Variants in RGMA observed in about 807,000 individuals in gnomAD.
RGMA encodes the protein repulsive guidance molecule A.
A neutral mutation model predicts 23.2 loss-of-function variants in RGMA; 10 were observed. The ratio of observed to expected loss-of-function variants is 0.43; its 90% CI spans 0.27 to 0.73. The LOEUF (loss-of-function observed/expected upper bound fraction) is 0.73. Among genes scored for constraint, RGMA ranks in the 30% least tolerant of loss-of-function variants. The pLI, the probability that RGMA is intolerant of heterozygous loss-of-function variation, is 0.20. For synonymous variants in RGMA, 308 were observed against 279.3 expected (o/e 1.10, Z -1.03); for missense variants, 547 against 630.5 (o/e 0.87, Z 1.42).
At chr15:93,081,235 C>T (rs961602535) in intron 1 of RGMA, among the ~76,000 whole-genome samples, 8 of 152,138 alleles carry the variant, frequency 5.3e-5, no homozygotes, top group Non-Finnish European at 1.0e-4. Flanking sequence ...TTCCAGGGAT[C>T]CGGTGAATAG....
At chr15:93,088,650 G>A in intron 1 of RGMA, 8 of 1,017,802 alleles carry the variant, frequency 7.9e-6, no homozygotes, top group Non-Finnish European at 7.8e-6. Flanking sequence ...TGTAAGGGAC[G>A]TGTGCCGGGT....
chr15:93,080,695 G>C (rs1275149192), intron 1 of RGMA, among the ~76,000 whole-genome samples: 1 of 152,166 alleles, frequency 6.6e-6, no homozygotes, highest in Non-Finnish European at 1.5e-5. Flanking sequence ...CTTCCTGCTG[G>C]TTGGCCAGCA....
Position 93,045,710 on chromosome 15 carries a change from C to T in RGMA, c.646-5G>A. On this transcript the variant is annotated splice_region_variant and splice_polypyrimidine_tract_variant and intron_variant, in intron 3 of 3. Transcript: ENST00000329082. The surrounding 1 kb of genome is among the most constrained non-coding windows in gnomAD (Gnocchi z 6.9). ...GTTCTTGAAGATGATGGTGAGCTGC[C>T]GGGGAAAGGGGCAGAGGAGAGTGGG... 2.5e-6 allele frequency: 4 copies of T among 1,598,080 alleles called. No homozygotes were observed. Among genetic ancestry groups the T allele is most frequent in the Non-Finnish European group, 2.5e-6 (3 of 1,177,350 alleles).
In RGMA at chr15:93,045,718, G is replaced by C. The variant is rs1156992125; in HGVS notation, c.646-13C>G. 4.4e-6 allele frequency: 7 copies of C among 1,591,084 alleles called. No homozygotes were observed. Among genetic ancestry groups the C allele is most frequent in the Non-Finnish European group, 3.4e-6 (4 of 1,171,654 alleles). On this transcript the variant is annotated splice_polypyrimidine_tract_variant and intron_variant, in intron 3 of 3. Coordinates refer to ENST00000329082, the MANE Select transcript of RGMA (RefSeq NM_020211.3). This position sits in a 1 kb window ranked among gnomAD's most constrained non-coding sequence, Gnocchi z 6.9. ...AGATGATGGTGAGCTGCCGGGGAAA[G>C]GGGCAGAGGAGAGTGGGTGAGGCAC...
intron 2 of RGMA, among the ~76,000 whole-genome samples, chr15:93,056,731 AAGTCCCACTCTGTCCCCT>A (rs1419017512): frequency 3.2e-4 from 49 of 152,170 alleles, no homozygotes; most frequent in Non-Finnish European, 6.9e-4. Flanking sequence ...GTCTGGTTCA[AAGTCCCACTCTGTCCCCT>A]ACCAGTAGTT....
chr15:93,068,588 C>G (rs1895228347), intron 2 of RGMA, among the ~76,000 whole-genome samples: 1 of 152,242 alleles, frequency 6.6e-6, no homozygotes, highest in Admixed American at 6.5e-5. Flanking sequence ...CCTCAATACA[C>G]CCTCAGGGCC....
At position 93,044,621 on chromosome 15, in the gene RGMA, C is replaced by G; in HGVS notation, c.*377G>C. The G allele has an allele frequency of 3.5e-6, 1 of 284,926 alleles. No homozygotes were observed. Among genetic ancestry groups the G allele is most frequent in the Non-Finnish European group, 6.7e-6 (1 of 150,134 alleles). The allele number at this position is 284,926 out of a possible 1,614,324, so 17.6% of individuals were successfully genotyped here. On this transcript the variant is annotated 3_prime_UTR_variant, in exon 4 of 4. Transcript: ENST00000329082. ...GGGGGCCCCACGGATCGGCGAGCAG[C>G]AGTCGGCCGGGCCTTTCAGTGCATT...
At chr15:93,069,564 G>A (rs774762715) in intron 2 of RGMA, among the ~76,000 whole-genome samples, 74 of 152,294 alleles carry the variant, frequency 4.9e-4, no homozygotes, top group Non-Finnish European at 7.2e-4. Context: ...AAGTATAAGG[G>A]GAAGAAAGAA....
chr15:93,073,171 G>A (rs138631420), intron 1 of RGMA, 140 bp from the exon 2 acceptor site: 49,641 of 1,190,890 alleles, frequency 0.042, 1,115 homozygotes, highest in Middle Eastern at 0.052. Context: ...CCCTTCCCGC[G>A]CCGCCCCCCG....
intron 1 of RGMA, among the ~76,000 whole-genome samples, chr15:93,087,218 C>A (rs1167129936): frequency 6.6e-6 from 1 of 152,166 alleles, no homozygotes; most frequent in Non-Finnish European, 1.5e-5. Flanking sequence ...CCAGGGTGCC[C>A]TTCAGAACCG....
intron 3 of RGMA, 64 bp downstream of exon 3, chr15:93,051,929 A>G: frequency 2.0e-6 from 3 of 1,476,846 alleles, no homozygotes; most frequent in South Asian, 1.2e-5. Context: ...TCAGCCTCTC[A>G]GTGTCCACGC....
Position 93,072,922 on chromosome 15 carries a change from G to T in RGMA, c.124C>A (p.Pro42Thr). 6.2e-7 allele frequency: 1 copy of T among 1,604,210 alleles called. No individual in the cohort carries two copies. Among genetic ancestry groups the T allele is most frequent in the Non-Finnish European group, 8.5e-7 (1 of 1,175,982 alleles). ...CCGGCCGGCAGTGCCTTACCTGCGG[G>T]GAAGCTGCAGAGAAGGAAGGCGAGG... ...PTLAFLLCSFPAATSPCKILK... is the reference protein window; with the variant it reads ...PTLAFLLCSFTAATSPCKILK... Residue 42 changes from proline (P) to threonine (T), a missense_variant, in exon 2 of 4, where the codon CCC becomes ACC. This residue lies in a region of RGMA where 214 missense variants were observed against 234.7 expected (regional missense o/e 0.91). Transcript: ENST00000329082.
chr15:93,074,908 G>A (rs1266199499), intron 1 of RGMA, among the ~76,000 whole-genome samples: 1 of 152,130 alleles, frequency 6.6e-6, no homozygotes, highest in African/African-American at 2.4e-5. Flanking sequence ...AGAGTCTCTC[G>A]CCAATGAGAA....
rs767369273 is a variant in RGMA, at chr15:93,052,261, A to G, written c.377T>C (p.Leu126Pro). 1.2e-6 allele frequency: 2 copies of G among 1,604,224 alleles called. No homozygotes were observed. The highest frequency in any genetic ancestry group is 2.2e-5 in the South Asian group (2 of 90,944). ...GTCTCCGGCCGGTGGGAGCGTGCGC[A>G]GGCGTGGCTGCGAGGTGGGGCCATC... ...SKDGPTSQPR[L>P]RTLPPAGDSQ... is the part of the protein sequence containing the mutation. The change falls in exon 3 of 4, where the codon CTG (leucine) becomes CCG (proline). Residue 126 changes from leucine (L) to proline (P), a missense_variant. This residue lies in a region of RGMA where 214 missense variants were observed against 234.7 expected (regional missense o/e 0.91). Coordinates refer to ENST00000329082, the MANE Select transcript of RGMA (RefSeq NM_020211.3).
At chr15:93,057,424 CT>C (rs756520671) in intron 2 of RGMA, among the ~76,000 whole-genome samples, 4 of 152,142 alleles carry the variant, frequency 2.6e-5, no homozygotes, top group Admixed American at 6.5e-5. Context: ...TCCCTGCCCC[CT>C]CTCCCTCCTT....
At chr15:93,054,713 G>A (rs148633763) in intron 2 of RGMA, among the ~76,000 whole-genome samples, 7 of 152,306 alleles carry the variant, frequency 4.6e-5, no homozygotes, top group East Asian at 3.9e-4. Context: ...ATACACCACC[G>A]TAAAGGGATG....
At chr15:93,048,502 G>A (rs1270497323) in intron 3 of RGMA, among the ~76,000 whole-genome samples, 1 of 152,098 alleles carries the variant, frequency 6.6e-6, no homozygotes, top group Non-Finnish European at 1.5e-5. Flanking sequence ...GACCCCAAGC[G>A]CACAGTTCCT....
rs114076404 is a variant in RGMA, at chr15:93,039,404, T to C, written c.*5594A>G. On this transcript the variant is annotated 3_prime_UTR_variant, in exon 4 of 4. Coordinates refer to ENST00000329082, the MANE Select transcript of RGMA (RefSeq NM_020211.3). Reference sequence around the variant, plus strand: ...GCCATCATTTCTTTTCTTAAAATTATGATTATACTTTCAGTTATGGGGTAC... The same window carrying C: ...GCCATCATTTCTTTTCTTAAAATTACGATTATACTTTCAGTTATGGGGTAC... 1.3e-5 allele frequency: 2 copies of C among 152,232 alleles called. No homozygotes were observed. Among genetic ancestry groups the C allele is most frequent in the African/African-American group, 4.8e-5 (2 of 41,440 alleles). The allele number at this position is 152,232 out of a possible 1,614,324, so 9.4% of individuals were successfully genotyped here.
At position 93,044,156 on chromosome 15, in the gene RGMA, C is replaced by T. The variant is rs549718837; in HGVS notation, c.*842G>A. 1 of 152,460 alleles carries T rather than the reference C, an allele frequency of 6.6e-6. No individual in the cohort carries two copies. The highest frequency in any genetic ancestry group is 2.4e-5 in the African/African-American group (1 of 41,584). 9.4% of individuals were successfully genotyped at this position (152,460 alleles called of 1,614,324 possible). A position where few individuals can be genotyped will look rare whatever the true frequency, so the allele number is the denominator to read the frequency against. ...TGGCCCCATCCACTGGGTCTCCTGC[C>T]ACACCCTGGGGCCCAGGCACCCCTG... On this transcript the variant is annotated 3_prime_UTR_variant, in exon 4 of 4. Coordinates refer to ENST00000329082, the MANE Select transcript of RGMA (RefSeq NM_020211.3).
Sources: gnomAD v4.1 joint callset for allele counts (sites outside exome capture counted in the v4.1 genomes callset) on GRCh38, gnomAD v4.1.1 for gene constraint, gnomAD v4.1.1 regional missense constraint, Gnocchi (gnomAD v3.1) non-coding constraint, MANE v1.5 for transcripts, NCBI Gene and HGNC (gene_info 2026-07-23, HGNC 2026-07-21) for gene names.